Variants in COL26A1 observed in about 807,000 individuals in gnomAD.
The protein encoded by COL26A1 is collagen type XXVI alpha 1 chain.
A neutral mutation model predicts 59.3 loss-of-function variants in COL26A1; 41 were observed. The observed-to-expected ratio is 0.69, with a 90% confidence interval of 0.54 to 0.90. The LOEUF (loss-of-function observed/expected upper bound fraction) is 0.90. COL26A1 is among the 40% of genes least tolerant of loss of function. The pLI, the probability that COL26A1 is intolerant of heterozygous loss-of-function variation, is 0.00. For synonymous variants in COL26A1, 266 were observed against 256.0 expected (o/e 1.04, Z -0.37); for missense variants, 612 against 602.3 (o/e 1.02, Z -0.17).
At chr7:101,378,833 C>T (rs976837293) in intron 1 of COL26A1, among the ~76,000 whole-genome samples, 1 of 152,018 alleles carries the variant, frequency 6.6e-6, no homozygotes, top group Non-Finnish European at 1.5e-5. Context: ...TGGAGGATGT[C>T]CCCTGCTTGG....
chr7:101,480,074 C>T (rs1246937275), intron 3 of COL26A1, among the ~76,000 whole-genome samples: 2 of 152,290 alleles, frequency 1.3e-5, no homozygotes, highest in South Asian at 2.1e-4. Context: ...CCTTCCACCT[C>T]AGCCTTCTAA....
At chr7:101,424,702 G>T (rs1792602793) in intron 2 of COL26A1, among the ~76,000 whole-genome samples, 1 of 152,268 alleles carries the variant, frequency 6.6e-6, no homozygotes, top group East Asian at 1.9e-4. Flanking sequence ...CTCTGTCTGT[G>T]GCCTTGGGGC....
chr7:101,455,692 A>AT (rs1266332273), intron 3 of COL26A1, among the ~76,000 whole-genome samples: 2 of 147,582 alleles, frequency 1.4e-5, no homozygotes, highest in East Asian at 4.0e-4. Flanking sequence ...ATTATTTTTA[A>AT]TTTTTTTTGA....
At chr7:101,505,283 ATGAG>A (rs1253692131) in intron 3 of COL26A1, among the ~76,000 whole-genome samples, 1 of 151,386 alleles carries the variant, frequency 6.6e-6, no homozygotes, top group African/African-American at 2.4e-5. Flanking sequence ...ATGAATGTGT[ATGAG>A]TGTGTTGTGT....
chr7:101,465,906 G>A (rs140629695), intron 3 of COL26A1, among the ~76,000 whole-genome samples: 177 of 152,290 alleles, frequency 1.2e-3, no homozygotes, highest in Non-Finnish European at 2.2e-3. Context: ...GGGAATGAGT[G>A]TGTGCAGCTG....
intron 4 of COL26A1, among the ~76,000 whole-genome samples, chr7:101,536,667 C>T (rs981488224): frequency 6.6e-6 from 1 of 152,200 alleles, no homozygotes; most frequent in African/African-American, 2.4e-5. Flanking sequence ...AAGAAGTCTG[C>T]TTTGGTATGT....
intron 3 of COL26A1, among the ~76,000 whole-genome samples, chr7:101,451,704 CA>C (rs1793342265): frequency 7.8e-6 from 1 of 128,486 alleles, no homozygotes; most frequent in East Asian, 2.1e-4. Context: ...AAATCATTTG[CA>C]TCTTTTTTTT....
intron 3 of COL26A1, among the ~76,000 whole-genome samples, chr7:101,482,243 A>G (rs777618489): frequency 6.6e-6 from 1 of 152,178 alleles, no homozygotes; most frequent in Non-Finnish European, 1.5e-5. Flanking sequence ...ACTGACCTCA[A>G]GGGATCCACC....
intron 3 of COL26A1, among the ~76,000 whole-genome samples, chr7:101,503,952 A>T (rs115859608): frequency 8.4e-4 from 128 of 152,216 alleles, no homozygotes; most frequent in African/African-American, 2.9e-3. Context: ...CAGGAAGGGG[A>T]CCATGTGTCA....
rs60091954 is a variant in COL26A1 at position 101,390,148 on chromosome 7, GTTTTTTT to G, written c.158+26979_158+26985del. Among the ~76,000 whole-genome samples the G allele has an allele frequency of 6.2e-3, 448 of 72,346 alleles. 4 individuals are homozygous for G. The highest frequency in any genetic ancestry group is 0.021 in the African/African-American group (423 of 20,186). The allele number at this position is 72,346 out of a possible 152,430, so 47.5% of individuals were successfully genotyped here. On this transcript the variant is annotated intron_variant, in intron 1 of 12. Transcript: ENST00000313669. ...AGACCTTTTAGGTCTCATGTTAAGG[GTTTTTTT>G]TTTTTTTTTTTTTTTTTTTTGAGAC... is the stretch of plus-strand genomic sequence containing the variant.
chr7:101,476,843 A>G (rs1318507737), intron 3 of COL26A1, among the ~76,000 whole-genome samples: 1 of 129,538 alleles, frequency 7.7e-6, no homozygotes, highest in African/African-American at 3.1e-5. Flanking sequence ...CACCATGCCC[A>G]GCCATTTTTT....
chr7:101,533,734 G>A (rs1047736688), intron 4 of COL26A1, among the ~76,000 whole-genome samples: 5 of 152,188 alleles, frequency 3.3e-5, no homozygotes, highest in African/African-American at 1.2e-4. Flanking sequence ...GGGAGCACCT[G>A]GGGCTCCATC....
chr7:101,379,283 T>A (rs1791392448), intron 1 of COL26A1, among the ~76,000 whole-genome samples: 1 of 152,126 alleles, frequency 6.6e-6, no homozygotes. Context: ...CTGATGACAA[T>A]TAGACCCTGA....
intron 1 of COL26A1, among the ~76,000 whole-genome samples, chr7:101,389,637 C>T (rs1173537484): frequency 1.3e-5 from 2 of 152,134 alleles, no homozygotes; most frequent in East Asian, 3.9e-4. Flanking sequence ...CTCACGGCAA[C>T]CTCTGCTACC....
chr7:101,500,437 C>T (rs537832117), intron 3 of COL26A1, among the ~76,000 whole-genome samples: 3 of 152,338 alleles, frequency 2.0e-5, no homozygotes, highest in Non-Finnish European at 4.4e-5. Flanking sequence ...GACCACCTCC[C>T]AACTTCTCCT....
At chr7:101,465,691 CAAAAAAAAAA>C (rs539721605) in intron 3 of COL26A1, among the ~76,000 whole-genome samples, 1 of 102,664 alleles carries the variant, frequency 9.7e-6, no homozygotes, top group African/African-American at 3.6e-5. Flanking sequence ...GAAACTGTCT[CAAAAAAAAAA>C]AAAAAAAAAA....
intron 2 of COL26A1, among the ~76,000 whole-genome samples, chr7:101,425,845 G>C (rs1433051527): frequency 7.8e-6 from 1 of 128,872 alleles, no homozygotes; most frequent in Non-Finnish European, 1.6e-5. Flanking sequence ...TTTTTTTTTG[G>C]AGACGGAATG....
chr7:101,554,185 AG>A (rs1048915956), intron 11 of COL26A1, among the ~76,000 whole-genome samples: 5 of 151,418 alleles, frequency 3.3e-5, no homozygotes, highest in African/African-American at 4.9e-5. Flanking sequence ...TGGGGCCGGC[AG>A]GGGGGGCCTT....
chr7:101,400,534 GTATTTTTATTT>G (rs1336649105), intron 1 of COL26A1, among the ~76,000 whole-genome samples: 1 of 151,190 alleles, frequency 6.6e-6, no homozygotes, highest in Non-Finnish European at 1.5e-5. Flanking sequence ...GCTAATTTTT[GTATTTTTATTT>G]TATTTTATTT....
Sources: gnomAD v4.1 joint callset for allele counts (sites outside exome capture counted in the v4.1 genomes callset) on GRCh38, gnomAD v4.1.1 for gene constraint, MANE v1.5 for transcripts, NCBI Gene and HGNC (gene_info 2026-07-23, HGNC 2026-07-21) for gene names.